The following CDC42BPA variants were observed in gnomAD, a reference collection of about 807,000 sequenced individuals.
The protein encoded by CDC42BPA is CDC42 binding protein kinase alpha.
A neutral mutation model predicts 223.5 loss-of-function variants in CDC42BPA; 80 were observed. The observed-to-expected ratio is 0.36, with a 90% CI of 0.30 to 0.43. CDC42BPA has a LOEUF of 0.43. Among genes scored for constraint, CDC42BPA ranks in the 20% least tolerant of loss-of-function variants. CDC42BPA has a pLI of 1.00. For synonymous variants in CDC42BPA, 694 were observed against 718.6 expected (o/e 0.97, Z 0.55); for missense variants, 1,743 against 2,099.9 (o/e 0.83, Z 3.32).
chr1:227,209,264 A>G (rs1387449741), intron 3 of CDC42BPA, among the ~76,000 whole-genome samples: 5 of 150,158 alleles, frequency 3.3e-5, no homozygotes, highest in Non-Finnish European at 5.9e-5. Context: ...GAGCTGAGAC[A>G]ATGGGGTTTT....
intron 5 of CDC42BPA, among the ~76,000 whole-genome samples, chr1:227,187,875 GA>G (rs986647973): frequency 2.7e-5 from 4 of 148,890 alleles, no homozygotes; most frequent in South Asian, 2.1e-4. Context: ...ATATTTAAAA[GA>G]AAAAAAAAGC....
chr1:227,117,822 A>C (rs1688010703), intron 12 of CDC42BPA, among the ~76,000 whole-genome samples: 1 of 152,174 alleles, frequency 6.6e-6, no homozygotes. Flanking sequence ...TTTAATAAAA[A>C]GATTCCTAAA....
chr1:227,179,659 A>AAAAAAAAAAAAAAAAAAAAAAAAAAG (rs1216438998), intron 5 of CDC42BPA, among the ~76,000 whole-genome samples: 1 of 146,890 alleles, frequency 6.8e-6, no homozygotes, highest in African/African-American at 2.6e-5. Flanking sequence ...AAAAAAAAAA[A>AAAAAAAAAAAAAAAAAAAAAAAAAAG]AGCTATTTTA....
At chr1:227,116,450 A>G (rs1235276099) in intron 12 of CDC42BPA, among the ~76,000 whole-genome samples, 1 of 152,194 alleles carries the variant, frequency 6.6e-6, no homozygotes, top group Non-Finnish European at 1.5e-5. Context: ...CTTACAGCAA[A>G]CATTATTAGC....
At chr1:227,101,327 A>ATT in intron 14 of CDC42BPA, 88 bp from the exon 15 acceptor site, 1 of 743,736 alleles carries the variant, frequency 1.3e-6, no homozygotes, top group Non-Finnish European at 2.0e-6. Flanking sequence ...ATGAGTATTC[A>ATT]TATAACTGCA....
At chr1:227,177,424 A>C (rs1385927783) in intron 5 of CDC42BPA, among the ~76,000 whole-genome samples, 1 of 152,034 alleles carries the variant, frequency 6.6e-6, no homozygotes, top group Non-Finnish European at 1.5e-5. Context: ...GATGTTAATT[A>C]CCTTTTAGCC....
chr1:227,213,270 T>C, intron 2 of CDC42BPA, 51 bp from the exon 3 acceptor site: 1 of 964,596 alleles, frequency 1.0e-6, no homozygotes, highest in Non-Finnish European at 1.6e-6. Flanking sequence ...AAATAATTTT[T>C]TCAGCCATCC....
intron 17 of CDC42BPA, among the ~76,000 whole-genome samples, chr1:227,075,439 C>T (rs1215649930): frequency 1.3e-5 from 2 of 152,082 alleles, no homozygotes. Context: ...AGGCTTGTTG[C>T]TCTCTCCTCT....
intron 11 of CDC42BPA, among the ~76,000 whole-genome samples, chr1:227,120,592 A>C (rs1473003239): frequency 6.6e-6 from 1 of 152,222 alleles, no homozygotes; most frequent in Admixed American, 6.5e-5. Context: ...TTATTAAATA[A>C]TGTTTAACAT....
At chr1:226,997,852 G>T (rs1374699559) in intron 35 of CDC42BPA, among the ~76,000 whole-genome samples, 1 of 152,172 alleles carries the variant, frequency 6.6e-6, no homozygotes, top group African/African-American at 2.4e-5. Flanking sequence ...GGTGAGGAGT[G>T]TTTTACTTCC....
At chr1:227,283,348 G>A (rs1190269133) in intron 1 of CDC42BPA, among the ~76,000 whole-genome samples, 1 of 151,856 alleles carries the variant, frequency 6.6e-6, no homozygotes, top group African/African-American at 2.4e-5. Context: ...GAAAAGTATT[G>A]ACCCACCAAA....
intron 6 of CDC42BPA, among the ~76,000 whole-genome samples, chr1:227,151,428 C>G (rs1024949223): frequency 5.9e-5 from 9 of 152,178 alleles, no homozygotes; most frequent in African/African-American, 2.2e-4. Context: ...GTGAACAATG[C>G]TGCTCTAAAA....
In CDC42BPA at chr1:227,021,863, CA is replaced by C. The variant is rs1352854721; in HGVS notation, c.4615+1399del. On this transcript the variant is annotated intron_variant, in intron 32 of 36. Transcript: ENST00000366766. ...TGAAACCCCGTCTCTACTAAAAATA[CA>C]AAAAAATTAGCTGGGCATGGTGGTG... 6.2e-4 allele frequency among the ~76,000 whole-genome samples: 94 copies of C among 151,254 alleles called. 1 individual carries two copies. Among genetic ancestry groups the C allele is most frequent in the African/African-American group, 2.2e-3 (89 of 41,250 alleles).
chr1:227,013,247 T>C (rs1665557468), intron 34 of CDC42BPA, among the ~76,000 whole-genome samples: 1 of 152,102 alleles, frequency 6.6e-6, no homozygotes, highest in African/African-American at 2.4e-5. Flanking sequence ...AGAACGATTA[T>C]CATGTGTTAA....
intron 16 of CDC42BPA, among the ~76,000 whole-genome samples, chr1:227,085,339 A>G (rs1160137674): frequency 6.6e-6 from 1 of 152,188 alleles, no homozygotes; most frequent in Non-Finnish European, 1.5e-5. Flanking sequence ...GGCCACATAA[A>G]ATCTCACATC....
intron 2 of CDC42BPA, among the ~76,000 whole-genome samples, chr1:227,228,829 T>C (rs558517277): frequency 6.6e-6 from 1 of 152,314 alleles, no homozygotes; most frequent in African/African-American, 2.4e-5. Flanking sequence ...ATAACTTCTT[T>C]GGAGAAACAG....
intron 17 of CDC42BPA, among the ~76,000 whole-genome samples, 174 bp downstream of exon 17, chr1:227,080,719 A>G (rs1406457407): frequency 6.6e-6 from 1 of 152,196 alleles, no homozygotes; most frequent in Non-Finnish European, 1.5e-5. Flanking sequence ...GGAATGTAAC[A>G]GAAAACACAG....
intron 2 of CDC42BPA, among the ~76,000 whole-genome samples, chr1:227,220,329 T>C (rs892314837): frequency 1.2e-4 from 17 of 137,554 alleles, no homozygotes; most frequent in African/African-American, 3.5e-4. Context: ...CACACACACA[T>C]ACATATATGG....
In CDC42BPA at chr1:227,086,531, G is replaced by T. The variant is rs978800607; in HGVS notation, c.2355+5355C>A. ...CAGCCATTCTCGAGGGTATACAGCA[G>T]TATCTTGCTGTGGTTTTAAGTGGCA... On this transcript the variant is annotated intron_variant, in intron 16 of 36. Coordinates refer to ENST00000366766, the MANE Select transcript of CDC42BPA (RefSeq NM_001394014.1). Among the ~76,000 whole-genome samples the T allele has an allele frequency of 3.3e-5, 5 of 152,126 alleles. No individual in the cohort carries two copies. In the East Asian group the frequency reaches 5.8e-4, roughly 18 times the overall value.
Sources: gnomAD v4.1 joint callset for allele counts (sites outside exome capture counted in the v4.1 genomes callset) on GRCh38, gnomAD v4.1.1 for gene constraint, MANE v1.5 for transcripts, NCBI Gene and HGNC (gene_info 2026-07-23, HGNC 2026-07-21) for gene names.